CNTNAP3: variants seen among roughly 807,000 people sequenced by gnomAD.
CNTNAP3 encodes the protein contactin-associated protein-like 3.
CNTNAP3 carries 36 observed loss-of-function variants against 92.1 expected under a neutral mutation model. The observed-to-expected ratio is 0.39, with a 90% confidence interval of 0.30 to 0.52. The LOEUF (loss-of-function observed/expected upper bound fraction) is 0.52. Ranked by LOEUF, CNTNAP3 falls within the 20% of genes least tolerant of loss-of-function variation. The probability of loss-of-function intolerance (pLI) is 0.76; values close to 1 mark genes in which losing one functional copy is unlikely to be tolerated. For missense variants in CNTNAP3, 534 were observed against 1,069.6 expected (o/e 0.50, Z 6.98); for synonymous variants, 232 against 422.3 (o/e 0.55, Z 5.53).
intron 13 of CNTNAP3, 40 bp downstream of exon 13, chr9:39,132,892 G>A (rs1223247824): frequency 2.0e-6 from 3 of 1,512,242 alleles, no homozygotes; most frequent in Admixed American, 2.1e-5. Flanking sequence ...GCCGCGCCCC[G>A]GCCCCGTGAA....
rs189492359 is a variant in CNTNAP3 at position 39,170,242 on chromosome 9, G to A, written c.1333+1127C>T. Reference sequence around the variant, plus strand: ...TCCAGAAGTACTGAGATAAGGCCCCGCCCTCTGAATTTCTTCACGGGTCTT... The same window carrying A: ...TCCAGAAGTACTGAGATAAGGCCCCACCCTCTGAATTTCTTCACGGGTCTT... On this transcript the variant is annotated intron_variant, in intron 8 of 23. Coordinates refer to ENST00000297668, the MANE Select transcript of CNTNAP3 (RefSeq NM_033655.5). Among the ~76,000 whole-genome samples, 6 of 12,792 alleles carry A rather than the reference G, an allele frequency of 4.7e-4. 1 individual carries two copies. The highest frequency in any genetic ancestry group is 3.8e-3 in the Admixed American group (3 of 796). The allele number at this position is 12,792 out of a possible 152,430, so 8.4% of individuals were successfully genotyped here. A position where few individuals can be genotyped will look rare whatever the true frequency, so the allele number is the denominator to read the frequency against.
chr9:39,179,292 C>T lies in CNTNAP3; in HGVS notation c.539-932G>A, dbSNP rs10122337. ...TTAAAACTCTCTCTCTCTCTACACACACACACACACACACACACACACACA... is the reference window on the plus strand; with the variant it reads ...TTAAAACTCTCTCTCTCTCTACACATACACACACACACACACACACACACA... On this transcript the variant is annotated intron_variant, in intron 4 of 23. Transcript: ENST00000297668. Among the ~76,000 whole-genome samples, 201 of 93,302 alleles carry T rather than the reference C, an allele frequency of 2.2e-3. 4 individuals carry two copies. Among genetic ancestry groups the T allele is most frequent in the Middle Eastern group, 9.6e-3 (2 of 208 alleles). The allele number at this position is 93,302 out of a possible 152,430, so 61.2% of individuals were successfully genotyped here. A position where few individuals can be genotyped will look rare whatever the true frequency, so the allele number is the denominator to read the frequency against.
chr9:39,104,646 C>T (rs2778217), intron 15 of CNTNAP3, among the ~76,000 whole-genome samples: 5 of 152,150 alleles, frequency 3.3e-5, no homozygotes, highest in Non-Finnish European at 5.9e-5. Flanking sequence ...TAGTGTCCTT[C>T]ATTCTGGTAC....
intron 16 of CNTNAP3, 141 bp from the exon 17 acceptor site, chr9:39,102,856 G>T: frequency 8.4e-7 from 1 of 1,190,094 alleles, no homozygotes. Context: ...GTGAGTTGGG[G>T]TGGGGGCAGA....
chr9:39,091,564 T>C (rs542378728), intron 18 of CNTNAP3, among the ~76,000 whole-genome samples: 3,103 of 152,090 alleles, frequency 0.02, 4 homozygotes, highest in Non-Finnish European at 0.033. Flanking sequence ...TCTTGATGTA[T>C]AGTCATTTTT....
rs1369503650 is a variant in CNTNAP3, at chr9:39,088,354, G to T, written c.3220+69C>A. The T allele has an allele frequency of 2.0e-5, 24 of 1,174,362 alleles. No individual in the cohort carries two copies. In the East Asian group the frequency reaches 5.2e-4, roughly 26 times the overall value. The allele number at this position is 1,174,362 out of a possible 1,614,324, so 72.7% of individuals were successfully genotyped here. On this transcript the variant is annotated intron_variant, in intron 19 of 23. Coordinates refer to ENST00000297668, the MANE Select transcript of CNTNAP3 (RefSeq NM_033655.5). ...TCGTTTGTAGTTTGACTGCTGAAAAGACCCATGTCATTACAGTCCTATTTT... is the reference window on the plus strand; with the variant it reads ...TCGTTTGTAGTTTGACTGCTGAAAATACCCATGTCATTACAGTCCTATTTT...
chr9:39,159,205 C>T (rs1822022423), intron 9 of CNTNAP3: 1 of 150,000 alleles, frequency 6.7e-6, no homozygotes, highest in African/African-American at 2.4e-5. Flanking sequence ...ATCAGCCTTC[C>T]CATTTCTGTC....
chr9:39,136,174 G>A (rs1036999883), intron 12 of CNTNAP3, among the ~76,000 whole-genome samples: 1 of 147,170 alleles, frequency 6.8e-6, no homozygotes, highest in African/African-American at 2.6e-5. Context: ...AAAAATAATA[G>A]TTGTATGGGT....
rs1041245644 is a variant in CNTNAP3 at position 39,068,243 on chromosome 9, C to A, written c.*5647G>T. Among the ~76,000 whole-genome samples the A allele has an allele frequency of 3.3e-4, 43 of 129,346 alleles. No individual in the cohort carries two copies. Among genetic ancestry groups the A allele is most frequent in the South Asian group, 4.9e-4 (2 of 4,058 alleles). 84.9% of individuals were successfully genotyped at this position (129,346 alleles called of 152,430 possible). The stretch of plus-strand genomic sequence containing the variant: ...TGAAACCTTGCCTCCACTAAAAATA[C>A]AAAAAAAAAAAAAAAAAAAAAAATT... On this transcript the variant is annotated 3_prime_UTR_variant, in exon 24 of 24. Coordinates refer to ENST00000297668, the MANE Select transcript of CNTNAP3 (RefSeq NM_033655.5).
chr9:39,081,524 C>T (rs1427432266), intron 21 of CNTNAP3, among the ~76,000 whole-genome samples: 2 of 150,600 alleles, frequency 1.3e-5, no homozygotes, highest in East Asian at 3.9e-4. Flanking sequence ...ATAACACTTT[C>T]AGGGGCATAT....
chr9:39,141,079 A>G (rs1050091669), intron 11 of CNTNAP3, among the ~76,000 whole-genome samples: 18 of 152,224 alleles, frequency 1.2e-4, no homozygotes, highest in African/African-American at 3.4e-4. Context: ...GAAAGCATGC[A>G]AACTCTGAAG....
chr9:39,076,848 T>TC (rs1825783438), intron 23 of CNTNAP3, among the ~76,000 whole-genome samples: 1 of 152,278 alleles, frequency 6.6e-6, no homozygotes, highest in African/African-American at 2.4e-5. Flanking sequence ...GGCACCTGTA[T>TC]CCCCAGCTAC....
chr9:39,168,282 G>T (rs1306429357), intron 8 of CNTNAP3, among the ~76,000 whole-genome samples: 1 of 150,416 alleles, frequency 6.6e-6, no homozygotes, highest in Admixed American at 6.6e-5. Context: ...CTCCCAAACT[G>T]CTGGGATTAC....
rs1435466730 is a variant in CNTNAP3 at position 39,152,805 on chromosome 9, G to A, written c.1478-2828C>T. On this transcript the variant is annotated intron_variant, in intron 9 of 23. Transcript: ENST00000297668. ...CGAGTGGCTGGGACTACAGGCACGC[G>A]CCACCACACCCTGCTAATTTTTTTT... Among the ~76,000 whole-genome samples, 6 of 123,634 alleles carry A rather than the reference G, an allele frequency of 4.9e-5. 1 individual carries two copies. The highest frequency in any genetic ancestry group is 7.6e-5 in the Admixed American group (1 of 13,162). 81.1% of individuals were successfully genotyped at this position (123,634 alleles called of 152,430 possible).
rs1331408761 is a variant in CNTNAP3 at position 39,066,403 on chromosome 9, G to T, written c.*7487C>A. Among the ~76,000 whole-genome samples the T allele has an allele frequency of 3.9e-5, 6 of 152,208 alleles. No individual in the cohort carries two copies. In the East Asian group the frequency reaches 1.2e-3, roughly 29 times the overall value. ...TATTTAAGTAATAAGGGCAGGTATT[G>T]TATATTTACTTATGGTGTTACTATT... On this transcript the variant is annotated 3_prime_UTR_variant, in exon 24 of 24. Transcript: ENST00000297668.
chr9:39,217,366 A>G lies in CNTNAP3; in HGVS notation c.390+21627T>C, dbSNP rs1474223774. 1.0e-3 allele frequency among the ~76,000 whole-genome samples: 18 copies of G among 17,892 alleles called. 2 individuals carry two copies. Among genetic ancestry groups the G allele is most frequent in the African/African-American group, 1.6e-3 (18 of 11,280 alleles). 11.7% of individuals were successfully genotyped at this position (17,892 alleles called of 152,430 possible). ...ATTTCATATTTACATGAGTATATAT[A>G]TATATATATATATATATATATATAT... On this transcript the variant is annotated intron_variant, in intron 3 of 23. Transcript: ENST00000297668.
chr9:39,134,761 T>C (rs565408975), intron 12 of CNTNAP3, among the ~76,000 whole-genome samples: 194 of 152,302 alleles, frequency 1.3e-3, no homozygotes, highest in African/African-American at 4.5e-3. Context: ...GGTGTTACTC[T>C]GTGCACATCA....
At chr9:39,084,229 C>T (rs1281918785) in intron 21 of CNTNAP3, among the ~76,000 whole-genome samples, 4 of 137,344 alleles carry the variant, frequency 2.9e-5, no homozygotes, top group South Asian at 2.4e-4. Context: ...GACAGAGTCT[C>T]GCTCTGTCAT....
intron 13 of CNTNAP3, among the ~76,000 whole-genome samples, chr9:39,120,237 C>A (rs1027727666): frequency 1.3e-5 from 2 of 152,032 alleles, no homozygotes; most frequent in African/African-American, 4.8e-5. Context: ...TGTAAAAGAA[C>A]CCTAATTTGA....
Sources: gnomAD v4.1 joint callset for allele counts (sites outside exome capture counted in the v4.1 genomes callset) on GRCh38, gnomAD v4.1.1 for gene constraint, MANE v1.5 for transcripts, NCBI Gene and HGNC (gene_info 2026-07-23, HGNC 2026-07-21) for gene names.